MYH10: variants seen among roughly 807,000 people sequenced by gnomAD.
MYH10 encodes the protein myosin-10.
MYH10 carries 55 observed loss-of-function variants against 257.8 expected under a neutral mutation model. That is an observed-to-expected ratio of 0.21 (90% confidence interval 0.17 to 0.27). MYH10 has a LOEUF of 0.27. Ranked by LOEUF, MYH10 falls within the 10% of genes least tolerant of loss-of-function variation. The pLI, the probability that MYH10 is intolerant of heterozygous loss-of-function variation, is 1.00. For missense variants in MYH10, 1,631 were observed against 2,500.6 expected (o/e 0.65, Z 7.42); for synonymous variants, 854 against 921.7 (o/e 0.93, Z 1.33).
chr17:8,487,088 A>G (rs902079931), intron 36 of MYH10, among the ~76,000 whole-genome samples: 2 of 152,158 alleles, frequency 1.3e-5, no homozygotes, highest in Non-Finnish European at 1.5e-5. Context: ...AGAAAAAGTG[A>G]CGATTAAAAC....
At chr17:8,580,391 T>G (rs888176712) in intron 4 of MYH10, among the ~76,000 whole-genome samples, 1 of 151,370 alleles carries the variant, frequency 6.6e-6, no homozygotes, top group African/African-American at 2.4e-5. Flanking sequence ...GGTATCAATA[T>G]TCATCTTATT....
intron 1 of MYH10, among the ~76,000 whole-genome samples, chr17:8,628,887 G>C (rs1252010058): frequency 6.6e-6 from 1 of 152,170 alleles, no homozygotes; most frequent in African/African-American, 2.4e-5. Flanking sequence ...ATTTCCCTAT[G>C]GAGCCCAAAT....
At position 8,518,669 on chromosome 17, in the gene MYH10, G is replaced by A; in HGVS notation, c.2466C>T (p.Ile822=). The change falls in exon 21 of 43, where the codon ATC becomes ATT. Residue 822 remains isoleucine, a synonymous_variant. Coordinates refer to ENST00000360416, the MANE Select transcript of MYH10 (RefSeq NM_001256012.3). ...ERDLKITDII[I]FFQAVCRGYL... ...AACCTCTGCAAACGGCCTGGAAGAA[G>A]ATAATGATATCGGTGATTTTTAAAT... 1 of 1,613,860 alleles carries A rather than the reference G, an allele frequency of 6.2e-7. No individual in the cohort carries two copies. Among genetic ancestry groups the A allele is most frequent in the Non-Finnish European group, 8.5e-7 (1 of 1,179,954 alleles).
At chr17:8,499,146 G>T in intron 30 of MYH10, 124 bp downstream of exon 30, 2 of 830,094 alleles carry the variant, frequency 2.4e-6, no homozygotes, top group African/African-American at 1.7e-5. Context: ...GTATTTACTG[G>T]ATAGCAATTT....
intron 7 of MYH10, among the ~76,000 whole-genome samples, chr17:8,562,318 C>T (rs1419739024): frequency 6.6e-6 from 1 of 152,220 alleles, no homozygotes; most frequent in East Asian, 1.9e-4. Context: ...GGCCACTTGG[C>T]CAGATAAGCA....
chr17:8,516,383 A>T (rs1452995182), intron 21 of MYH10, among the ~76,000 whole-genome samples: 3 of 152,166 alleles, frequency 2.0e-5, no homozygotes, highest in African/African-American at 7.2e-5. Context: ...TCTTTTGAAT[A>T]GGTTATCTTC....
intron 21 of MYH10, among the ~76,000 whole-genome samples, chr17:8,515,215 G>C (rs553022409): frequency 1.3e-5 from 2 of 152,222 alleles, no homozygotes; most frequent in African/African-American, 4.8e-5. Context: ...AGTAGCTATA[G>C]GACTCTCCTG....
chr17:8,617,702 A>C (rs1436403070), intron 2 of MYH10, among the ~76,000 whole-genome samples: 3 of 152,192 alleles, frequency 2.0e-5, no homozygotes, highest in Non-Finnish European at 4.4e-5. Flanking sequence ...TAATATTACA[A>C]ACAGAGAAAA....
At chr17:8,585,901 T>G (rs1567942341) in intron 4 of MYH10, among the ~76,000 whole-genome samples, 1 of 152,208 alleles carries the variant, frequency 6.6e-6, no homozygotes, top group South Asian at 2.1e-4. Context: ...TAGGGGACAG[T>G]GTACTGATGT....
intron 7 of MYH10, among the ~76,000 whole-genome samples, chr17:8,554,982 T>C (rs1159617228): frequency 2.0e-5 from 3 of 150,990 alleles, no homozygotes; most frequent in East Asian, 2.0e-4. Context: ...TATGGTATGG[T>C]TATATCTTAC....
intron 16 of MYH10, among the ~76,000 whole-genome samples, chr17:8,534,295 G>A (rs777307998): frequency 7.9e-5 from 12 of 152,274 alleles, no homozygotes; most frequent in Middle Eastern, 3.4e-3. Context: ...TGGAAAGCTC[G>A]TCTTTCCCCC....
At chr17:8,512,365 A>G (rs1412292071) in intron 24 of MYH10, 86 bp downstream of exon 24, 11 of 1,119,110 alleles carry the variant, frequency 9.8e-6, no homozygotes, top group African/African-American at 1.6e-5. Flanking sequence ...TGTGGACTTA[A>G]GAATCCAAAC....
At position 8,518,768 on chromosome 17, in the gene MYH10, T is replaced by G; in HGVS notation, c.2367A>C (p.Pro789=). 1 of 1,613,612 alleles carries G rather than the reference T, an allele frequency of 6.2e-7. No homozygotes were observed. The highest frequency in any genetic ancestry group is 2.2e-5 in the East Asian group (1 of 44,888). Residue 789 remains proline, a synonymous_variant, in exon 21 of 43, where the codon CCA becomes CCC. Transcript: ENST00000360416. ...ERMIRALELD[P]NLYRIGQSKI... Reference sequence around the variant, plus strand: ...TGCTCTGTCCAATTCTGTACAAGTTTGGGTCCAATTCTAAAGCCCGGATCT... The same window carrying G: ...TGCTCTGTCCAATTCTGTACAAGTTGGGGTCCAATTCTAAAGCCCGGATCT...
rs1386121832 is a variant in MYH10 at position 8,618,958 on chromosome 17, C to T, written c.345+3944G>A. 2.0e-5 allele frequency among the ~76,000 whole-genome samples: 3 copies of T among 152,082 alleles called. No homozygotes were observed. In the East Asian group the frequency reaches 5.8e-4, roughly 30 times the overall value. On this transcript the variant is annotated intron_variant, in intron 2 of 42. Transcript: ENST00000360416. The stretch of plus-strand genomic sequence containing the variant: ...GTGACAGGCTCGTTTTGTTCATTTT[C>T]AAGAAAATGTCTGCCAAATACCTCT...
At chr17:8,594,255 A>G (rs1310086215) in intron 3 of MYH10, among the ~76,000 whole-genome samples, 1 of 152,230 alleles carries the variant, frequency 6.6e-6, no homozygotes, top group Non-Finnish European at 1.5e-5. Context: ...AAATTGAAAA[A>G]TCAGAAAACT....
rs749317885 is a variant in MYH10 at position 8,506,540 on chromosome 17, A to G, written c.3215-51T>C. On this transcript the variant is annotated intron_variant, in intron 26 of 42. Transcript: ENST00000360416. This position sits in a 1 kb window ranked among gnomAD's most constrained non-coding sequence, Gnocchi z 5.0. ...TTCAACACACCGAGTGACTCACCAC[A>G]GGAATAAACTAAAATACAGACTGAT... is the stretch of plus-strand genomic sequence containing the variant. 8 of 1,562,676 alleles carry G rather than the reference A, an allele frequency of 5.1e-6. 1 individual carries two copies. The South Asian group carries it at 8.3e-5, about 16-fold the overall frequency.
At chr17:8,540,705 C>T (rs2082268662) in intron 14 of MYH10, among the ~76,000 whole-genome samples, 1 of 152,132 alleles carries the variant, frequency 6.6e-6, no homozygotes, top group African/African-American at 2.4e-5. Context: ...GTAGGACTTC[C>T]AGTGTCATAT....
Position 8,623,070 on chromosome 17 carries a change from C to T in MYH10, c.177G>A (p.Met59Ile). ...TCTTTCCATTCTCTGCCAACTCCAC[C>T]ATAACTTCATCTCCCCGTTCTTCTT... ...SIKEERGDEV[M>I]VELAENGKKA... is the part of the protein sequence containing the mutation. The change falls in exon 2 of 43, where the codon ATG (methionine) becomes ATA (isoleucine). Residue 59 changes from methionine (M) to isoleucine (I), a missense_variant. By Grantham distance (10) the Met-to-Ile change is conservative (BLOSUM62 1). Around this residue, in one of 11 missense-constraint regions of MYH10, gnomAD observed 360 missense variants for 581.9 expected, o/e 0.62. Transcript: ENST00000360416. The T allele has an allele frequency of 1.2e-6, 2 of 1,614,112 alleles. No homozygotes were observed. Among genetic ancestry groups the T allele is most frequent in the Non-Finnish European group, 1.7e-6 (2 of 1,180,034 alleles).
At chr17:8,582,419 T>C (rs199697473) in intron 4 of MYH10, among the ~76,000 whole-genome samples, 1 of 88,486 alleles carries the variant, frequency 1.1e-5, no homozygotes, top group Non-Finnish European at 3.1e-5. Context: ...GTCTTACACT[T>C]TAAGTGGCTG....
Sources: gnomAD v4.1 joint callset for allele counts (sites outside exome capture counted in the v4.1 genomes callset) on GRCh38, gnomAD v4.1.1 for gene constraint, gnomAD v4.1.1 regional missense constraint, Gnocchi (gnomAD v3.1) non-coding constraint, MANE v1.5 for transcripts, NCBI Gene and HGNC (gene_info 2026-07-23, HGNC 2026-07-21) for gene names.